C8orf34: variants seen among roughly 807,000 people sequenced by gnomAD.
The protein encoded by C8orf34 is chromosome 8 open reading frame 34, also known as uncharacterized protein C8orf34.
C8orf34 carries 65 observed loss-of-function variants against 68.3 expected under a neutral mutation model. That is an observed-to-expected ratio of 0.95 (90% CI 0.78 to 1.17). The LOEUF (loss-of-function observed/expected upper bound fraction) is 1.17, where lower values mean the gene tolerates loss of function less well. Among genes scored for constraint, C8orf34 ranks in the 50% most tolerant of loss-of-function variants. C8orf34 has a pLI of 0.00. For missense variants in C8orf34, 664 were observed against 655.4 expected (o/e 1.01, Z -0.14); for synonymous variants, 244 against 241.2 (o/e 1.01, Z -0.11).
intron 7 of C8orf34, among the ~76,000 whole-genome samples, chr8:68,601,182 A>G (rs1678852683): frequency 6.6e-6 from 1 of 151,932 alleles, no homozygotes; most frequent in African/African-American, 2.4e-5. Flanking sequence ...TGCTTTCAAT[A>G]CTTTTTTTTA....
At chr8:68,588,118 G>T (rs1203937607) in intron 7 of C8orf34, among the ~76,000 whole-genome samples, 2 of 152,038 alleles carry the variant, frequency 1.3e-5, no homozygotes, top group Non-Finnish European at 2.9e-5. Flanking sequence ...TTTACATGTG[G>T]TGACTACAAT....
At position 68,754,415 on chromosome 8, in the gene C8orf34, A is replaced by C. The variant is rs141019519; in HGVS notation, c.1405-21984A>C. On this transcript the variant is annotated intron_variant, in intron 10 of 13. Coordinates refer to ENST00000518698, the MANE Select transcript of C8orf34 (RefSeq NM_052958.4). ...GTTCTTTCATGATTACTTTGTATTG[A>C]GGCATAACATTCCTTTTCGATGTAA... 1.0e-3 allele frequency among the ~76,000 whole-genome samples: 152 copies of C among 152,360 alleles called. 1 individual carries two copies. Among genetic ancestry groups the C allele is most frequent in the African/African-American group, 3.6e-3 (148 of 41,586 alleles).
chr8:68,810,739 TCATCCTGA>T (rs1824625342), intron 12 of C8orf34, among the ~76,000 whole-genome samples: 1 of 152,056 alleles, frequency 6.6e-6, no homozygotes, highest in African/African-American at 2.4e-5. Flanking sequence ...TATAGGCAGG[TCATCCTGA>T]CATCTGCTCA....
chr8:68,352,514 AC>A lies in C8orf34; in HGVS notation c.327+21176del, dbSNP rs544891073. Among the ~76,000 whole-genome samples the A allele has an allele frequency of 5.1e-4, 77 of 152,228 alleles. No homozygotes were observed. In the South Asian group the frequency reaches 0.016, roughly 31 times the overall value. On this transcript the variant is annotated intron_variant, in intron 1 of 13. Coordinates refer to ENST00000518698, the MANE Select transcript of C8orf34 (RefSeq NM_052958.4). Reference sequence around the variant, plus strand: ...ATTTCAGTCAGAAACTGCTCCATTTACTTGCTGTGTTAGGCAGCCTCCACTC... The same window carrying A: ...ATTTCAGTCAGAAACTGCTCCATTTATTGCTGTGTTAGGCAGCCTCCACTC...
intron 10 of C8orf34, among the ~76,000 whole-genome samples, chr8:68,758,128 A>C (rs1016796677): frequency 2.6e-5 from 4 of 152,244 alleles, no homozygotes; most frequent in African/African-American, 2.4e-5. Flanking sequence ...GCCTTTGTCC[A>C]TAATGAGTTT....
At chr8:68,654,204 G>A (rs1467106143) in intron 8 of C8orf34, among the ~76,000 whole-genome samples, 1 of 152,088 alleles carries the variant, frequency 6.6e-6, no homozygotes, top group African/African-American at 2.4e-5. Flanking sequence ...CTCTCTATAA[G>A]GAACAGAACA....
chr8:68,589,560 GGAGA>G (rs1817312358), intron 7 of C8orf34, among the ~76,000 whole-genome samples: 1 of 145,358 alleles, frequency 6.9e-6, no homozygotes, highest in Non-Finnish European at 1.5e-5. Flanking sequence ...ATGAAGGAAG[GGAGA>G]GAGAAAGGTG....
intron 3 of C8orf34, among the ~76,000 whole-genome samples, chr8:68,466,145 C>T (rs1175768705): frequency 6.6e-6 from 1 of 151,650 alleles, no homozygotes; most frequent in Non-Finnish European, 1.5e-5. Context: ...ATATTGCATG[C>T]CCTCAGTTAT....
chr8:68,699,721 C>T lies in C8orf34; in HGVS notation c.1242-9273C>T, dbSNP rs151034409. 4.4e-3 allele frequency among the ~76,000 whole-genome samples: 676 copies of T among 152,188 alleles called. 11 individuals are homozygous for T. The highest frequency in any genetic ancestry group is 0.015 in the African/African-American group (638 of 41,532). ...CATATCTATTCTCCAAGTGTTCTTTCTCTAGATTTGTTTTTAAAATTCTTA... is the reference window on the plus strand; with the variant it reads ...CATATCTATTCTCCAAGTGTTCTTTTTCTAGATTTGTTTTTAAAATTCTTA... On this transcript the variant is annotated intron_variant, in intron 8 of 13. Coordinates refer to ENST00000518698, the MANE Select transcript of C8orf34 (RefSeq NM_052958.4).
chr8:68,686,326 C>CA, intron 8 of C8orf34, among the ~76,000 whole-genome samples: 1 of 151,798 alleles, frequency 6.6e-6, no homozygotes, highest in African/African-American at 2.4e-5. Context: ...AAGGACTTTA[C>CA]AAAAAAAGAA....
At chr8:68,645,234 C>T (rs1276925467) in intron 8 of C8orf34, among the ~76,000 whole-genome samples, 2 of 152,056 alleles carry the variant, frequency 1.3e-5, no homozygotes, top group African/African-American at 2.4e-5. Context: ...GAGTTCATAT[C>T]GCCTTGGAGA....
intron 7 of C8orf34, among the ~76,000 whole-genome samples, chr8:68,608,436 G>C (rs1021321810): frequency 1.3e-5 from 2 of 151,942 alleles, no homozygotes; most frequent in Admixed American, 6.6e-5. Flanking sequence ...GAATTTCTCT[G>C]ATGGCAAAGA....
intron 10 of C8orf34, among the ~76,000 whole-genome samples, chr8:68,734,648 C>T (rs1445357730): frequency 6.6e-6 from 1 of 152,174 alleles, no homozygotes; most frequent in Non-Finnish European, 1.5e-5. Flanking sequence ...AGGATATCAC[C>T]ACTGTTTCTC....
At chr8:68,443,225 G>A (rs1370349191) in intron 2 of C8orf34, among the ~76,000 whole-genome samples, 1 of 152,114 alleles carries the variant, frequency 6.6e-6, no homozygotes, top group Non-Finnish European at 1.5e-5. Flanking sequence ...GAAGGAAATG[G>A]CCCAGAGGAA....
At chr8:68,417,206 G>T (rs147781544) in intron 1 of C8orf34, among the ~76,000 whole-genome samples, 7 of 152,172 alleles carry the variant, frequency 4.6e-5, no homozygotes, top group Admixed American at 4.6e-4. Context: ...ATTTCTTAGA[G>T]CATTTTTAGG....
At chr8:68,531,755 C>T (rs1815254991) in intron 6 of C8orf34, among the ~76,000 whole-genome samples, 1 of 151,746 alleles carries the variant, frequency 6.6e-6, no homozygotes, top group South Asian at 2.1e-4. Context: ...CCCCTATAAA[C>T]CCTGAAATAA....
chr8:68,704,023 G>A (rs964553639), intron 8 of C8orf34, among the ~76,000 whole-genome samples: 2 of 152,136 alleles, frequency 1.3e-5, no homozygotes, highest in African/African-American at 4.8e-5. Flanking sequence ...TTATCTCCAA[G>A]ATGAAATAAT....
chr8:68,522,809 ATG>A (rs1464821536), intron 6 of C8orf34, among the ~76,000 whole-genome samples: 1 of 152,188 alleles, frequency 6.6e-6, no homozygotes, highest in Non-Finnish European at 1.5e-5. Context: ...ATGAATGGAA[ATG>A]TGACAGGAGT....
chr8:68,762,920 G>T (rs1239220298), intron 10 of C8orf34, among the ~76,000 whole-genome samples: 1 of 152,168 alleles, frequency 6.6e-6, no homozygotes, highest in Admixed American at 6.5e-5. Flanking sequence ...AAGAGACTAG[G>T]AACATCATCG....
Sources: gnomAD v4.1 joint callset for allele counts (sites outside exome capture counted in the v4.1 genomes callset) on GRCh38, gnomAD v4.1.1 for gene constraint, MANE v1.5 for transcripts, NCBI Gene and HGNC (gene_info 2026-07-23, HGNC 2026-07-21) for gene names.